LGALS9B: variants seen among roughly 807,000 people sequenced by gnomAD.
LGALS9B encodes galectin-9B.
Under a neutral mutation model 35.9 loss-of-function variants are expected in LGALS9B, and 8 were observed. The ratio of observed to expected loss-of-function variants is 0.22; its 90% CI spans 0.13 to 0.40. The LOEUF (loss-of-function observed/expected upper bound fraction) is 0.40. LGALS9B is among the 10% of genes least tolerant of loss of function. The pLI is 1.00. For missense variants in LGALS9B, 101 were observed against 397.9 expected (o/e 0.25, Z 6.35); for synonymous variants, 42 against 148.6 (o/e 0.28, Z 5.22).
chr17:20,451,615 G>A lies in LGALS9B; in HGVS notation c.790C>T (p.His264Tyr). Reference sequence around the variant, plus strand: ...CGGGGGTTCATGTGGAAGGCGATGTGGCTCCCAGAGCACAGGTTGATGTGG... The same window carrying A: ...CGGGGGTTCATGTGGAAGGCGATGTAGCTCCCAGAGCACAGGTTGATGTGG... ...RFHINLCSGS[H>Y]IAFHMNPRFD... The change falls in exon 10 of 11, where the codon CAC becomes TAC. Residue 264 changes from histidine (H) to tyrosine (Y), a missense_variant. Coordinates refer to ENST00000423676, the MANE Select transcript of LGALS9B (RefSeq NM_001367292.2). 2 of 1,599,468 alleles carry A rather than the reference G, an allele frequency of 1.3e-6. No individual in the cohort carries two copies. The highest frequency in any genetic ancestry group is 1.7e-6 in the Non-Finnish European group (2 of 1,173,302).
chr17:20,466,036 T>G (rs1238443494), intron 1 of LGALS9B, among the ~76,000 whole-genome samples: 1 of 151,498 alleles, frequency 6.6e-6, no homozygotes, highest in Middle Eastern at 3.4e-3. Flanking sequence ...GATTAGAAAG[T>G]AAAAACCAGT....
chr17:20,449,809 C>G lies in LGALS9B; in HGVS notation c.*164G>C. ...ATCCCAGTCAGCTGCCTTCTCAATT[C>G]CAGGGTGGCTGTAGCCAGAAGCAGG... On this transcript the variant is annotated 3_prime_UTR_variant, in exon 11 of 11. Transcript: ENST00000423676. 2 of 504,260 alleles carry G rather than the reference C, an allele frequency of 4.0e-6. 1 individual carries two copies. The highest frequency in any genetic ancestry group is 6.7e-6 in the Non-Finnish European group (2 of 296,656). 31.2% of individuals were successfully genotyped at this position (504,260 alleles called of 1,614,324 possible). A position where few individuals can be genotyped will look rare whatever the true frequency, so the allele number is the denominator to read the frequency against.
intron 3 of LGALS9B, 30 bp from the exon 4 acceptor site, chr17:20,456,701 A>G: frequency 7.8e-6 from 3 of 384,362 alleles, no homozygotes; most frequent in East Asian, 6.1e-5. Context: ...ATTTCGGGGG[A>G]GGTGCCCCAG....
At position 20,455,361 on chromosome 17, in the gene LGALS9B, G is replaced by C; in HGVS notation, c.482C>G (p.Thr161Arg). ...RTVPVQPAFS[T>R]VPFSQPVCFP... ...ACAGACAGGCTGGGAGAACGGCACCGTGGAGAAGGCAGGCTGAACGGGGAC... is the reference window on the plus strand; with the variant it reads ...ACAGACAGGCTGGGAGAACGGCACCCTGGAGAAGGCAGGCTGAACGGGGAC... Residue 161 changes from threonine to arginine, a missense_variant, in exon 5 of 11, where the codon ACG becomes AGG. Thr to Arg is a moderately conservative substitution (Grantham distance 71). Coordinates refer to ENST00000423676, the MANE Select transcript of LGALS9B (RefSeq NM_001367292.2). 2 of 1,356,026 alleles carry C rather than the reference G, an allele frequency of 1.5e-6. No homozygotes were observed. The highest frequency in any genetic ancestry group is 2.8e-5 in the African/African-American group (2 of 72,134). The allele number at this position is 1,356,026 out of a possible 1,614,324, so 84.0% of individuals were successfully genotyped here.
At chr17:20,467,353 C>G in intron 1 of LGALS9B, 79 bp downstream of exon 1, 1 of 1,297,784 alleles carries the variant, frequency 7.7e-7, no homozygotes, top group South Asian at 1.3e-5. Flanking sequence ...CTCCTGCCAC[C>G]CAGGAGTTGC....
rs1403785541 is a variant in LGALS9B, at chr17:20,461,028, G to A, written c.40-585C>T. Among the ~76,000 whole-genome samples the A allele has an allele frequency of 5.2e-5, 3 of 57,254 alleles. 1 individual carries two copies. The Admixed American group carries it at 5.5e-4, about 11-fold the overall frequency. 37.6% of individuals were successfully genotyped at this position (57,254 alleles called of 152,430 possible). A position where few individuals can be genotyped will look rare whatever the true frequency, so the allele number is the denominator to read the frequency against. On this transcript the variant is annotated intron_variant, in intron 1 of 10. Transcript: ENST00000423676. Reference sequence around the variant, plus strand: ...TGGCCACCATGACCTTTGCCCTCCTGACCACCTTCAGCAGAGCCTCTTCCC... The same window carrying A: ...TGGCCACCATGACCTTTGCCCTCCTAACCACCTTCAGCAGAGCCTCTTCCC...
chr17:20,467,196 G>A (rs1416223066), intron 1 of LGALS9B, among the ~76,000 whole-genome samples: 1 of 144,416 alleles, frequency 6.9e-6, no homozygotes, highest in Non-Finnish European at 1.5e-5. Context: ...GGACACGACA[G>A]CTCAGCCAAC....
chr17:20,456,108 T>C (rs1308305035), intron 4 of LGALS9B, among the ~76,000 whole-genome samples: 5 of 151,848 alleles, frequency 3.3e-5, no homozygotes, highest in South Asian at 2.1e-4. Context: ...ACCTCTGATA[T>C]CTGTCTCCTC....
Position 20,453,144 on chromosome 17 carries a change from C to G in LGALS9B, c.577-77G>C. ...CCAGCTCCCACCAGAGGGTGCCACA[C>G]GGCAGGCACCCTCCAGGGGCATAAC... On this transcript the variant is annotated intron_variant, in intron 6 of 10. Coordinates refer to ENST00000423676, the MANE Select transcript of LGALS9B (RefSeq NM_001367292.2). 12 of 1,106,078 alleles carry G rather than the reference C, an allele frequency of 1.1e-5. 2 individuals are homozygous for G. In the South Asian group the frequency reaches 1.5e-4, roughly 14 times the overall value. 68.5% of individuals were successfully genotyped at this position (1,106,078 alleles called of 1,614,324 possible).
At chr17:20,461,118 G>A (rs1490226557) in intron 1 of LGALS9B, among the ~76,000 whole-genome samples, 1 of 146,106 alleles carries the variant, frequency 6.8e-6, no homozygotes, top group Non-Finnish European at 1.5e-5. Context: ...CCGTGGGCAA[G>A]CACTTTGTCA....
At chr17:20,464,726 C>T (rs1423951212) in intron 1 of LGALS9B, among the ~76,000 whole-genome samples, 2 of 151,332 alleles carry the variant, frequency 1.3e-5, no homozygotes, top group Non-Finnish European at 2.9e-5. Flanking sequence ...GGCCTGGGCT[C>T]GCCTCCCAGC....
In LGALS9B at chr17:20,451,607, G is replaced by A. The variant is rs781019039; in HGVS notation, c.798C>T (p.Ala266=). Residue 266 remains alanine, a synonymous_variant, in exon 10 of 11, where the codon GCC becomes GCT. Coordinates refer to ENST00000423676, the MANE Select transcript of LGALS9B (RefSeq NM_001367292.2). ...CATCAAAACGGGGGTTCATGTGGAA[G>A]GCGATGTGGCTCCCAGAGCACAGGT... ...HINLCSGSHI[A]FHMNPRFDEN... The A allele has an allele frequency of 1.9e-6, 3 of 1,599,140 alleles. No homozygotes were observed. The highest frequency in any genetic ancestry group is 1.1e-5 in the South Asian group (1 of 90,584).
At chr17:20,458,593 G>A (rs1234281476) in intron 2 of LGALS9B, among the ~76,000 whole-genome samples, 1 of 149,922 alleles carries the variant, frequency 6.7e-6, no homozygotes, top group Non-Finnish European at 1.5e-5. Flanking sequence ...TTTACAGCAC[G>A]ATTTTCTAAA....
intron 1 of LGALS9B, among the ~76,000 whole-genome samples, chr17:20,466,086 G>A (rs916208007): frequency 6.6e-6 from 1 of 152,006 alleles, no homozygotes; most frequent in African/African-American, 2.4e-5. Context: ...AAGAAGCTCT[G>A]GGATCCCCTC....
intron 1 of LGALS9B, among the ~76,000 whole-genome samples, 165 bp downstream of exon 1, chr17:20,467,267 G>A (rs1220784129): frequency 6.8e-6 from 1 of 147,490 alleles, no homozygotes; most frequent in East Asian, 2.0e-4. Context: ...GCTCAGCATG[G>A]CACAGCTGTG....
chr17:20,459,479 G>T lies in LGALS9B; in HGVS notation c.131+873C>A, dbSNP rs2042712859. Among the ~76,000 whole-genome samples, 2 of 34,790 alleles carry T rather than the reference G, an allele frequency of 5.7e-5. 1 individual carries two copies. The highest frequency in any genetic ancestry group is 5.1e-4 in the Admixed American group (2 of 3,918). The allele number at this position is 34,790 out of a possible 152,430, so 22.8% of individuals were successfully genotyped here. Reference sequence around the variant, plus strand: ...TTGGCATCTCCTGGGGGCACTGCAGGCTCTCAGAGAAGTCCGACAGCAGGA... The same window carrying T: ...TTGGCATCTCCTGGGGGCACTGCAGTCTCTCAGAGAAGTCCGACAGCAGGA... On this transcript the variant is annotated intron_variant, in intron 2 of 10. Transcript: ENST00000423676.
rs1405413480 is a variant in LGALS9B, at chr17:20,453,153, C to T, written c.577-86G>A. 3 of 1,056,632 alleles carry T rather than the reference C, an allele frequency of 2.8e-6. No homozygotes were observed. In the African/African-American group the frequency reaches 4.2e-5, roughly 15 times the overall value. The allele number at this position is 1,056,632 out of a possible 1,614,324, so 65.5% of individuals were successfully genotyped here. A position where few individuals can be genotyped will look rare whatever the true frequency, so the allele number is the denominator to read the frequency against. ...ACCAGAGGGTGCCACACGGCAGGCA[C>T]CCTCCAGGGGCATAACCAGCCCAGT... On this transcript the variant is annotated intron_variant, in intron 6 of 10. Transcript: ENST00000423676.
chr17:20,460,573 CAGA>C, intron 1 of LGALS9B, 130 bp from the exon 2 acceptor site: 12 of 933,432 alleles, frequency 1.3e-5, no homozygotes, highest in Non-Finnish European at 1.8e-5. Flanking sequence ...GTGACCAGGA[CAGA>C]AGGAGTCTCA....
At chr17:20,461,173 G>A (rs1382997279) in intron 1 of LGALS9B, among the ~76,000 whole-genome samples, 56 of 151,228 alleles carry the variant, frequency 3.7e-4, no homozygotes, top group African/African-American at 1.4e-3. Context: ...GGGCCATGGT[G>A]AGGCATGCAT....
Sources: gnomAD v4.1 joint callset for allele counts (sites outside exome capture counted in the v4.1 genomes callset) on GRCh38, gnomAD v4.1.1 for gene constraint, MANE v1.5 for transcripts, NCBI Gene and HGNC (gene_info 2026-07-23, HGNC 2026-07-21) for gene names.